RBMS3: variants seen among roughly 807,000 people sequenced by gnomAD.
RBMS3 encodes the protein RNA-binding motif, single-stranded-interacting protein 3.
In RBMS3, 27 loss-of-function variants were observed where a neutral mutation model predicts 66.8. The ratio of observed to expected loss-of-function variants is 0.40; its 90% CI spans 0.30 to 0.56. The LOEUF (loss-of-function observed/expected upper bound fraction) is 0.56. Ranked by LOEUF, RBMS3 falls within the 20% of genes least tolerant of loss-of-function variation. The pLI is 0.40. For synonymous variants in RBMS3, 188 were observed against 183.0 expected, an observed-to-expected ratio of 1.03 and a Z score of -0.22; for missense variants, 513 against 549.5, an observed-to-expected ratio of 0.93 and a Z score of 0.66.
chr3:29,307,656 G>A (rs75804026), intron 1 of RBMS3, among the ~76,000 whole-genome samples: 3,552 of 151,898 alleles, frequency 0.023, 124 homozygotes, highest in African/African-American at 0.072. Context: ...TGTAGTAAGT[G>A]GCTGCCTTTG....
intron 10 of RBMS3, among the ~76,000 whole-genome samples, chr3:29,904,914 A>T (rs2060339519): frequency 6.6e-6 from 1 of 150,854 alleles, no homozygotes; most frequent in African/African-American, 2.5e-5. Context: ...TTTATAAAAG[A>T]TCTTATTACA....
intron 1 of RBMS3, among the ~76,000 whole-genome samples, chr3:29,289,577 G>T (rs2032651873): frequency 6.6e-6 from 1 of 151,690 alleles, no homozygotes; most frequent in African/African-American, 2.4e-5. Context: ...AAGGCTTAAA[G>T]AAAATATATC....
chr3:29,884,465 TCTCTCCCC>T (rs2059817158), intron 8 of RBMS3, among the ~76,000 whole-genome samples: 3 of 92,954 alleles, frequency 3.2e-5, no homozygotes, highest in Non-Finnish European at 5.0e-5. Context: ...TCTCTCTCTC[TCTCTCCCC>T]CCCCGCTCCC....
chr3:29,672,147 A>AAAGAATTT (rs2051030634), intron 4 of RBMS3, among the ~76,000 whole-genome samples: 1 of 152,196 alleles, frequency 6.6e-6, no homozygotes, highest in African/African-American at 2.4e-5. Flanking sequence ...TTCTTAAAGA[A>AAAGAATTT]AAGAATTTTC....
At chr3:29,298,433 A>G (rs2125440794) in intron 1 of RBMS3, among the ~76,000 whole-genome samples, 1 of 151,982 alleles carries the variant, frequency 6.6e-6, no homozygotes, top group African/African-American at 2.4e-5. Flanking sequence ...TGATTTTATA[A>G]TCTTCAGGAA....
At chr3:29,762,861 C>T in intron 5 of RBMS3, 49 bp from the exon 6 acceptor site, 1 of 1,281,396 alleles carries the variant, frequency 7.8e-7, no homozygotes, top group African/African-American at 1.5e-5. Flanking sequence ...TCTTAAGTTT[C>T]TTTTTCTTGA....
At chr3:29,747,662 A>G (rs911234662) in intron 5 of RBMS3, among the ~76,000 whole-genome samples, 1 of 152,228 alleles carries the variant, frequency 6.6e-6, no homozygotes, top group African/African-American at 2.4e-5. Context: ...GCATGTGGAT[A>G]CACTGAAGTG....
At chr3:29,364,830 A>G (rs1357294795) in intron 1 of RBMS3, among the ~76,000 whole-genome samples, 1 of 152,112 alleles carries the variant, frequency 6.6e-6, no homozygotes, top group Non-Finnish European at 1.5e-5. Flanking sequence ...ATTTTCTTAT[A>G]GCTTGAAGTA....
intron 4 of RBMS3, among the ~76,000 whole-genome samples, chr3:29,670,473 C>T (rs933435279): frequency 6.6e-6 from 1 of 152,090 alleles, no homozygotes; most frequent in East Asian, 1.9e-4. Flanking sequence ...TCGGGAATCA[C>T]AAGGGGTCAG....
rs771834947 is a variant in RBMS3, at chr3:29,587,098, T to C, written c.308-16T>C. On this transcript the variant is annotated splice_polypyrimidine_tract_variant and intron_variant, in intron 3 of 14. Coordinates refer to ENST00000383767, the MANE Select transcript of RBMS3 (RefSeq NM_001003793.3). ...CTTTTTGTGAATATTAACAAGGGGA[T>C]TTTGTGTTTTCACAGGTTATGGTTT... 6.3e-7 allele frequency: 1 copy of C among 1,589,476 alleles called. No homozygotes were observed. Among genetic ancestry groups the C allele is most frequent in the South Asian group, 1.1e-5 (1 of 87,710 alleles).
chr3:29,747,213 A>G (rs2054941585), intron 5 of RBMS3, among the ~76,000 whole-genome samples: 1 of 152,202 alleles, frequency 6.6e-6, no homozygotes. Flanking sequence ...TTGGGCCAAT[A>G]CATTTATTCT....
intron 3 of RBMS3, among the ~76,000 whole-genome samples, chr3:29,568,108 T>C (rs1427864641): frequency 1.3e-5 from 2 of 152,182 alleles, no homozygotes; most frequent in Non-Finnish European, 2.9e-5. Context: ...GCATAATACA[T>C]TTATTGTATA....
At chr3:29,664,164 G>C (rs2050664022) in intron 4 of RBMS3, among the ~76,000 whole-genome samples, 1 of 152,088 alleles carries the variant, frequency 6.6e-6, no homozygotes, top group African/African-American at 2.4e-5. Flanking sequence ...GGATTTAAGG[G>C]AACTGGTGTT....
At chr3:29,343,207 A>G (rs902755826) in intron 1 of RBMS3, among the ~76,000 whole-genome samples, 5 of 152,154 alleles carry the variant, frequency 3.3e-5, no homozygotes, top group Non-Finnish European at 7.4e-5. Context: ...TGAGCGAAAT[A>G]TCTTTTGGGA....
At chr3:29,877,968 C>G (rs1478985381) in intron 7 of RBMS3, among the ~76,000 whole-genome samples, 4 of 152,038 alleles carry the variant, frequency 2.6e-5, no homozygotes, top group African/African-American at 9.7e-5. Context: ...CCTCATCATT[C>G]TTGGCATTAG....
intron 8 of RBMS3, 25 bp downstream of exon 8, chr3:29,884,233 T>C (rs2059805172): frequency 6.3e-7 from 1 of 1,586,472 alleles, no homozygotes; most frequent in Non-Finnish European, 8.6e-7. Context: ...TTTTCTCTAT[T>C]TTAATTGTGA....
chr3:29,589,616 C>T (rs972919946), intron 4 of RBMS3, among the ~76,000 whole-genome samples: 1 of 152,060 alleles, frequency 6.6e-6, no homozygotes, highest in Non-Finnish European at 1.5e-5. Context: ...AGCTTGACCA[C>T]CACTGTATTA....
intron 1 of RBMS3, among the ~76,000 whole-genome samples, chr3:29,431,410 A>T (rs1292741171): frequency 6.8e-6 from 1 of 147,396 alleles, no homozygotes; most frequent in Non-Finnish European, 1.5e-5. Flanking sequence ...CTTCTGCCTC[A>T]GCCTCCTGAG....
chr3:29,870,879 A>G (rs1256592308), intron 7 of RBMS3, among the ~76,000 whole-genome samples: 2 of 152,144 alleles, frequency 1.3e-5, no homozygotes, highest in Non-Finnish European at 2.9e-5. Flanking sequence ...GATTAGGCAG[A>G]GAGATAGCAT....
Sources: allele counts gnomAD v4.1 joint callset (sites outside exome capture counted in the v4.1 genomes callset), GRCh38; gene constraint gnomAD v4.1.1; transcripts MANE v1.5; gene names NCBI Gene and HGNC (gene_info 2026-07-23, HGNC 2026-07-21).